SND1: variants seen among roughly 807,000 people sequenced by gnomAD.
SND1 encodes the protein staphylococcal nuclease domain-containing protein 1.
SND1 carries 38 observed loss-of-function variants against 121.7 expected under a neutral mutation model. The observed-to-expected ratio is 0.31, with a 90% CI of 0.24 to 0.41. The LOEUF is 0.41. Among genes scored for constraint, SND1 ranks in the 10% least tolerant of loss-of-function variants. The probability of loss-of-function intolerance (pLI) is 1.00; values close to 1 mark genes in which losing one functional copy is unlikely to be tolerated. For synonymous variants in SND1, 401 were observed against 447.4 expected (o/e 0.90, Z 1.31); for missense variants, 868 against 1,184.6 (o/e 0.73, Z 3.92).
At chr7:128,047,180 G>T (rs138375948) in intron 16 of SND1, among the ~76,000 whole-genome samples, 1 of 152,226 alleles carries the variant, frequency 6.6e-6, no homozygotes, top group Non-Finnish European at 1.5e-5. Context: ...ATACCAGTCA[G>T]CATTTTCCTG....
chr7:128,007,204 T>A (rs1037042195), intron 16 of SND1, among the ~76,000 whole-genome samples: 1 of 152,230 alleles, frequency 6.6e-6, no homozygotes, highest in Non-Finnish European at 1.5e-5. Flanking sequence ...AATTCCATCA[T>A]CTTCCTCAGC....
At chr7:127,663,189 C>T (rs754562364) in intron 1 of SND1, among the ~76,000 whole-genome samples, 4 of 152,024 alleles carry the variant, frequency 2.6e-5, no homozygotes, top group African/African-American at 9.6e-5. Flanking sequence ...GCCCAGCCTC[C>T]TGTATGCTTT....
chr7:127,687,824 T>G (rs1034297384), intron 2 of SND1, among the ~76,000 whole-genome samples: 3 of 152,158 alleles, frequency 2.0e-5, no homozygotes, highest in African/African-American at 7.2e-5. Context: ...TAGCTGGAAC[T>G]ACAGGCATGT....
chr7:127,724,311 G>A (rs372110996), intron 10 of SND1, among the ~76,000 whole-genome samples: 16 of 152,320 alleles, frequency 1.1e-4, no homozygotes, highest in African/African-American at 3.6e-4. Context: ...AGAGATATTA[G>A]GAATTAGCTA....
chr7:128,081,002 TTTC>T (rs1413098086), intron 17 of SND1, among the ~76,000 whole-genome samples: 1 of 151,866 alleles, frequency 6.6e-6, no homozygotes, highest in African/African-American at 2.4e-5. Context: ...GTCTTTTTTT[TTTC>T]TTCTTTTTTG....
At position 127,654,069 on chromosome 7, in the gene SND1, G is replaced by A. The variant is rs116555764; in HGVS notation, c.78+1618G>A. Reference sequence around the variant, plus strand: ...GTGGATCTTTCTGAGATTTCTCCTTGCTGAGGTTTAAATTGTTCTTAAAGG... The same window carrying A: ...GTGGATCTTTCTGAGATTTCTCCTTACTGAGGTTTAAATTGTTCTTAAAGG... On this transcript the variant is annotated intron_variant, in intron 1 of 23. Transcript: ENST00000354725. Among the ~76,000 whole-genome samples the A allele has an allele frequency of 3.7e-3, 564 of 152,244 alleles. 8 individuals carry two copies. Among genetic ancestry groups the A allele is most frequent in the African/African-American group, 0.013 (541 of 41,536 alleles).
intron 11 of SND1, among the ~76,000 whole-genome samples, chr7:127,839,022 C>G (rs1031301458): frequency 6.6e-6 from 1 of 152,176 alleles, no homozygotes; most frequent in Non-Finnish European, 1.5e-5. Context: ...GAAGTTAGGT[C>G]GCTTATCTAA....
chr7:128,020,279 C>T (rs996473478), intron 16 of SND1, among the ~76,000 whole-genome samples: 1 of 152,200 alleles, frequency 6.6e-6, no homozygotes. Context: ...GGCCTTCCCC[C>T]CTCCCAAAAG....
At chr7:128,025,838 C>T (rs1803463119) in intron 16 of SND1, among the ~76,000 whole-genome samples, 1 of 152,084 alleles carries the variant, frequency 6.6e-6, no homozygotes, top group Non-Finnish European at 1.5e-5. Context: ...TTCAAAAGTC[C>T]TTCTCCCACA....
intron 11 of SND1, among the ~76,000 whole-genome samples, chr7:127,835,311 AT>A (rs1404270872): frequency 6.6e-6 from 1 of 152,124 alleles, no homozygotes; most frequent in Non-Finnish European, 1.5e-5. Flanking sequence ...TCCATGTAAA[AT>A]TTGTGCTGCT....
chr7:127,683,836 A>C (rs1795769410), intron 1 of SND1, among the ~76,000 whole-genome samples: 1 of 152,190 alleles, frequency 6.6e-6, no homozygotes, highest in African/African-American at 2.4e-5. Context: ...CTGTAGAGTA[A>C]AAATCATCTC....
At chr7:127,847,553 T>C (rs957734796) in intron 12 of SND1, among the ~76,000 whole-genome samples, 2 of 152,222 alleles carry the variant, frequency 1.3e-5, no homozygotes, top group African/African-American at 4.8e-5. Flanking sequence ...TGATATCTTG[T>C]TGAATTACAT....
intron 1 of SND1, among the ~76,000 whole-genome samples, chr7:127,683,244 C>T (rs916428202): frequency 2.0e-5 from 3 of 152,108 alleles, no homozygotes; most frequent in Non-Finnish European, 4.4e-5. Context: ...GAGAGAGAGT[C>T]TTGCTCTGTC....
At chr7:128,078,887 G>C (rs757638194) in intron 17 of SND1, among the ~76,000 whole-genome samples, 1 of 152,220 alleles carries the variant, frequency 6.6e-6, no homozygotes, top group East Asian at 1.9e-4. Flanking sequence ...GCTCAGTGCC[G>C]GGAAAGGAGG....
At chr7:127,812,479 T>G (rs1798351655) in intron 11 of SND1, among the ~76,000 whole-genome samples, 1 of 152,236 alleles carries the variant, frequency 6.6e-6, no homozygotes, top group African/African-American at 2.4e-5. Context: ...ATAACATTGC[T>G]AAGCCAATTT....
intron 16 of SND1, among the ~76,000 whole-genome samples, chr7:128,061,845 G>C (rs750654766): frequency 6.6e-5 from 10 of 152,196 alleles, no homozygotes; most frequent in Non-Finnish European, 1.3e-4. Context: ...GCAATCCTGG[G>C]CCCCCCAGGT....
intron 16 of SND1, among the ~76,000 whole-genome samples, chr7:128,049,141 G>A (rs184197992): frequency 7.2e-5 from 11 of 152,260 alleles, no homozygotes; most frequent in Non-Finnish European, 1.6e-4. Flanking sequence ...CCTTACTGGA[G>A]CAAAACCAGC....
At chr7:127,796,654 A>G in intron 10 of SND1, among the ~76,000 whole-genome samples, 1 of 152,120 alleles carries the variant, frequency 6.6e-6, no homozygotes, top group East Asian at 1.9e-4. Flanking sequence ...GTTAACATCC[A>G]TGTTAGATGC....
At chr7:127,750,769 G>A (rs963668137) in intron 10 of SND1, among the ~76,000 whole-genome samples, 20 of 152,106 alleles carry the variant, frequency 1.3e-4, no homozygotes, top group East Asian at 9.6e-4. Context: ...TATTCAACTC[G>A]TATTTACACC....
Sources: gnomAD v4.1 joint callset for allele counts (sites outside exome capture counted in the v4.1 genomes callset) on GRCh38, gnomAD v4.1.1 for gene constraint, MANE v1.5 for transcripts, NCBI Gene and HGNC (gene_info 2026-07-23, HGNC 2026-07-21) for gene names.